The following TMEM38A variants were observed in gnomAD, a reference collection of about 807,000 sequenced individuals.
TMEM38A encodes the protein trimeric intracellular cation channel type A.
In TMEM38A, 17 loss-of-function variants were observed where a neutral mutation model predicts 28.6. That is an observed-to-expected ratio of 0.60 (90% CI 0.41 to 0.89). The LOEUF (loss-of-function observed/expected upper bound fraction) is 0.89, where lower values mean the gene tolerates loss of function less well. TMEM38A is among the 40% of genes least tolerant of loss of function. TMEM38A has a pLI of 0.00. For missense variants in TMEM38A, 328 were observed against 393.1 expected (o/e 0.83, Z 1.40); for synonymous variants, 169 against 166.1 (o/e 1.02, Z -0.14).
intron 1 of TMEM38A, among the ~76,000 whole-genome samples, chr19:16,677,324 A>T (rs1036477243): frequency 3.9e-5 from 6 of 152,040 alleles, no homozygotes; most frequent in African/African-American, 1.4e-4. Context: ...CATTAACTCA[A>T]CTACAGACTT....
rs1017651100 is a variant in TMEM38A at position 16,680,588 on chromosome 19, A to C, written c.466+7A>C. 6.2e-7 allele frequency: 1 copy of C among 1,611,534 alleles called. No individual in the cohort carries two copies. On this transcript the variant is annotated splice_region_variant and intron_variant, in intron 3 of 5. Transcript: ENST00000187762. ...GCAACTGGGTGGGTCAAAGGTAAAT[A>C]GGATGATGACAATGAAAAATCATCC...
chr19:16,681,380 G>A (rs989362487), intron 3 of TMEM38A, among the ~76,000 whole-genome samples: 2 of 152,172 alleles, frequency 1.3e-5, no homozygotes, highest in Admixed American at 1.3e-4. Flanking sequence ...CCACCAGGAA[G>A]ATATAACAAC....
intron 2 of TMEM38A, 118 bp from the exon 3 acceptor site, chr19:16,680,279 C>A: frequency 1.4e-6 from 2 of 1,475,390 alleles, no homozygotes; most frequent in Admixed American, 1.7e-5. Flanking sequence ...GCCCTCCATG[C>A]CCATCTCTGG....
At chr19:16,672,111 C>T (rs1199111984) in intron 1 of TMEM38A, among the ~76,000 whole-genome samples, 1 of 152,122 alleles carries the variant, frequency 6.6e-6, no homozygotes, top group Non-Finnish European at 1.5e-5. Context: ...CAGGGAGAAG[C>T]TGCATTTTGG....
At chr19:16,670,033 G>C (rs772514154) in intron 1 of TMEM38A, among the ~76,000 whole-genome samples, 1 of 151,890 alleles carries the variant, frequency 6.6e-6, no homozygotes, top group Non-Finnish European at 1.5e-5. Flanking sequence ...GCAGTGGCGC[G>C]ATCTCAGCTC....
At position 16,661,659 on chromosome 19, in the gene TMEM38A, C is replaced by T. The variant is rs1213344323; in HGVS notation, c.124+318C>T. Among the ~76,000 whole-genome samples the T allele has an allele frequency of 3.3e-5, 5 of 151,840 alleles. No homozygotes were observed. In the East Asian group the frequency reaches 9.7e-4, roughly 29 times the overall value. The stretch of plus-strand genomic sequence containing the variant: ...CTGCAGGAACTTGGGCAAGGGGCGC[C>T]GGCTGTGGCGAGGGTGCAGGTGGGG... On this transcript the variant is annotated intron_variant, in intron 1 of 5. Coordinates refer to ENST00000187762, the MANE Select transcript of TMEM38A (RefSeq NM_024074.4). This position sits in a 1 kb window ranked among gnomAD's most constrained non-coding sequence, Gnocchi z 6.5.
intron 1 of TMEM38A, among the ~76,000 whole-genome samples, chr19:16,662,478 G>C (rs1385291647): frequency 8.5e-6 from 1 of 117,678 alleles, no homozygotes; most frequent in African/African-American, 3.6e-5. Context: ...TTTTTAGATG[G>C]AGTTTCGCTC....
chr19:16,685,960 C>T (rs542752081), intron 4 of TMEM38A, among the ~76,000 whole-genome samples: 3 of 152,244 alleles, frequency 2.0e-5, no homozygotes, highest in East Asian at 3.9e-4. Context: ...GCCAGGAGTT[C>T]GAGACCAACC....
chr19:16,673,066 TTC>T (rs202232090), intron 1 of TMEM38A, among the ~76,000 whole-genome samples: 2 of 152,024 alleles, frequency 1.3e-5, no homozygotes, highest in African/African-American at 4.8e-5. Context: ...ACTTTTCTTT[TTC>T]TTTTTGTTTG....
At chr19:16,674,498 AT>A (rs2086741379) in intron 1 of TMEM38A, among the ~76,000 whole-genome samples, 1 of 150,348 alleles carries the variant, frequency 6.7e-6, no homozygotes, top group South Asian at 2.1e-4. Flanking sequence ...CTTGTTCATT[AT>A]TGTAATACCA....
chr19:16,661,813 G>A lies in TMEM38A; in HGVS notation c.124+472G>A, dbSNP rs930297313. 1.3e-5 allele frequency among the ~76,000 whole-genome samples: 2 copies of A among 152,070 alleles called. No homozygotes were observed. Among genetic ancestry groups the A allele is most frequent in the African/African-American group, 4.8e-5 (2 of 41,406 alleles). On this transcript the variant is annotated intron_variant, in intron 1 of 5. Transcript: ENST00000187762. The surrounding 1 kb of genome is among the most constrained non-coding windows in gnomAD (Gnocchi z 6.5). ...GGGGCTGCGGTCAGGTTCAGCGAAA[G>A]TGACACCGGTTCTCCTCCCCACTGC...
chr19:16,680,241 C>G (rs941322996), intron 2 of TMEM38A, 101 bp downstream of exon 2: 57 of 1,516,442 alleles, frequency 3.8e-5, no homozygotes, highest in Non-Finnish European at 4.9e-5. Context: ...GCACCAGCAA[C>G]AGCCCTCATG....
At chr19:16,680,294 G>A in intron 2 of TMEM38A, 103 bp from the exon 3 acceptor site, 1 of 1,504,668 alleles carries the variant, frequency 6.6e-7, no homozygotes. Context: ...CTCTGGTCTA[G>A]GCACAGCACG....
rs61142232 is a variant in TMEM38A, at chr19:16,678,766, CAAAAAAA to C, written c.125-1201_125-1195del. ...GGTGATGGGAGTGAAACCCTGTGTC[CAAAAAAA>C]AAAAAAAAAAAAAAAAGTAAAGTGA... On this transcript the variant is annotated intron_variant, in intron 1 of 5. Transcript: ENST00000187762. 3.0e-3 allele frequency among the ~76,000 whole-genome samples: 148 copies of C among 48,674 alleles called. 1 individual carries two copies. Among genetic ancestry groups the C allele is most frequent in the African/African-American group, 9.6e-3 (143 of 14,940 alleles). The allele number at this position is 48,674 out of a possible 152,430, so 31.9% of individuals were successfully genotyped here.
chr19:16,666,322 G>A (rs1490435003), intron 1 of TMEM38A, among the ~76,000 whole-genome samples: 1 of 151,790 alleles, frequency 6.6e-6, no homozygotes, highest in Non-Finnish European at 1.5e-5. Context: ...TCACCATGTT[G>A]GTCAGGGTGG....
Position 16,688,473 on chromosome 19 carries a change from C to T in TMEM38A, c.*102C>T. The T allele has an allele frequency of 1.0e-6, 1 of 965,646 alleles. No individual in the cohort carries two copies. Among genetic ancestry groups the T allele is most frequent in the Non-Finnish European group, 1.4e-6 (1 of 709,830 alleles). 59.8% of individuals were successfully genotyped at this position (965,646 alleles called of 1,614,324 possible). A position where few individuals can be genotyped will look rare whatever the true frequency, so the allele number is the denominator to read the frequency against. ...CTATCCTTTCCTGGCCTTGACTTCCCCATCTGCAAATCAGGGTCATTGGCT... is the reference window on the plus strand; with the variant it reads ...CTATCCTTTCCTGGCCTTGACTTCCTCATCTGCAAATCAGGGTCATTGGCT... On this transcript the variant is annotated 3_prime_UTR_variant, in exon 6 of 6. Coordinates refer to ENST00000187762, the MANE Select transcript of TMEM38A (RefSeq NM_024074.4).
chr19:16,661,448 G>A lies in TMEM38A; in HGVS notation c.124+107G>A. 1.9e-6 allele frequency: 2 copies of A among 1,032,270 alleles called. No homozygotes were observed. The highest frequency in any genetic ancestry group is 2.7e-6 in the Non-Finnish European group (2 of 747,364). The allele number at this position is 1,032,270 out of a possible 1,614,324, so 63.9% of individuals were successfully genotyped here. A position where few individuals can be genotyped will look rare whatever the true frequency, so the allele number is the denominator to read the frequency against. The stretch of plus-strand genomic sequence containing the variant: ...CCCGTGCGTGGTGGAGGGAGCGAGG[G>A]ACAGGTTCAAGGATTGCATCGTGGG... On this transcript the variant is annotated intron_variant, in intron 1 of 5. Transcript: ENST00000187762. The surrounding 1 kb of genome is among the most constrained non-coding windows in gnomAD (Gnocchi z 6.5).
In TMEM38A at chr19:16,661,272, G is replaced by A. The variant is rs754227986; in HGVS notation, c.55G>A (p.Val19Met). 6.3e-7 allele frequency: 1 copy of A among 1,598,426 alleles called. No individual in the cohort carries two copies. Among genetic ancestry groups the A allele is most frequent in the Admixed American group, 1.7e-5 (1 of 58,418 alleles). The change falls in exon 1 of 6, where the codon GTG (valine) becomes ATG (methionine). Residue 19 changes from valine (V) to methionine (M), a missense_variant. Physicochemically the swap from Val to Met is conservative, Grantham distance 21. Coordinates refer to ENST00000187762, the MANE Select transcript of TMEM38A (RefSeq NM_024074.4). The surrounding 1 kb of genome is among the most constrained non-coding windows in gnomAD (Gnocchi z 6.5). The part of the protein sequence containing the change: ...LGELALSFSR[V>M]PLFPVFDLSY... ...CGAACTGGCGCTCAGCTTCTCGCGG[G>A]TGCCGCTCTTCCCCGTCTTCGACCT... is the stretch of plus-strand genomic sequence containing the variant.
At chr19:16,675,904 C>A (rs117914510) in intron 1 of TMEM38A, among the ~76,000 whole-genome samples, 1 of 152,006 alleles carries the variant, frequency 6.6e-6, no homozygotes, top group Non-Finnish European at 1.5e-5. Context: ...CCCAAAGGCC[C>A]GACCTCCTAA....
Sources: gnomAD v4.1 joint callset for allele counts (sites outside exome capture counted in the v4.1 genomes callset) on GRCh38, gnomAD v4.1.1 for gene constraint, Gnocchi (gnomAD v3.1) non-coding constraint, MANE v1.5 for transcripts, NCBI Gene and HGNC (gene_info 2026-07-23, HGNC 2026-07-21) for gene names.